The following CEP128 variants were observed in gnomAD, a reference collection of about 807,000 sequenced individuals.
CEP128 encodes the protein centrosomal protein 128kDa.
Under a neutral mutation model 156.7 loss-of-function variants are expected in CEP128, and 132 were observed. The ratio of observed to expected loss-of-function variants is 0.84; its 90% CI spans 0.73 to 0.97. CEP128 has a LOEUF of 0.97. CEP128 is among the 50% of genes least tolerant of loss of function. The probability of loss-of-function intolerance (pLI) is 0.00; values close to 1 mark genes in which losing one functional copy is unlikely to be tolerated. For synonymous variants in CEP128, 469 were observed against 448.9 expected (o/e 1.04, Z -0.57); for missense variants, 1,252 against 1,281.9 (o/e 0.98, Z 0.36).
intron 8 of CEP128, among the ~76,000 whole-genome samples, chr14:80,887,887 C>A (rs1888887347): frequency 6.6e-6 from 1 of 151,762 alleles, no homozygotes; most frequent in Non-Finnish European, 1.5e-5. Context: ...GCTAGCCAGA[C>A]TAATAAAGAA....
At chr14:80,713,791 A>C (rs11846048) in intron 19 of CEP128, among the ~76,000 whole-genome samples, 14 of 152,016 alleles carry the variant, frequency 9.2e-5, no homozygotes, top group African/African-American at 4.8e-5. Context: ...TTGGAAACAA[A>C]GATAGTGATT....
intron 19 of CEP128, among the ~76,000 whole-genome samples, chr14:80,698,574 C>T (rs1409134396): frequency 2.0e-5 from 3 of 152,070 alleles, no homozygotes; most frequent in Admixed American, 6.6e-5. Context: ...CAAAAGACTA[C>T]GAAAAATGCA....
At chr14:80,673,251 C>G (rs916523433) in intron 19 of CEP128, among the ~76,000 whole-genome samples, 1 of 152,128 alleles carries the variant, frequency 6.6e-6, no homozygotes, top group African/African-American at 2.4e-5. Context: ...TTTGTTTGCA[C>G]TATTACAGCA....
At chr14:80,576,592 CT>C (rs1381772798) in intron 20 of CEP128, among the ~76,000 whole-genome samples, 1 of 151,802 alleles carries the variant, frequency 6.6e-6, no homozygotes, top group East Asian at 1.9e-4. Flanking sequence ...TCCTTCTCCA[CT>C]GCTACTACCA....
At chr14:80,864,945 C>T (rs1887697746) in intron 8 of CEP128, among the ~76,000 whole-genome samples, 2 of 152,158 alleles carry the variant, frequency 1.3e-5, no homozygotes, top group South Asian at 4.1e-4. Flanking sequence ...TCAAGCCAAT[C>T]AACATATCTA....
intron 19 of CEP128, among the ~76,000 whole-genome samples, chr14:80,611,962 G>T (rs1449376487): frequency 1.3e-5 from 2 of 152,136 alleles, no homozygotes; most frequent in Admixed American, 6.5e-5. Context: ...GAAGGCTGAG[G>T]CAGGAGAATT....
intron 12 of CEP128, 43 bp from the exon 13 acceptor site, chr14:80,831,337 A>G: frequency 6.3e-7 from 1 of 1,597,592 alleles, no homozygotes; most frequent in Non-Finnish European, 8.6e-7. Context: ...TTCTTTATTC[A>G]CAGAAGAATG....
At chr14:80,921,256 A>C (rs1372851278) in intron 2 of CEP128, among the ~76,000 whole-genome samples, 1 of 152,134 alleles carries the variant, frequency 6.6e-6, no homozygotes, top group Non-Finnish European at 1.5e-5. Context: ...GGACCTTTAA[A>C]AGGTGATTGG....
At chr14:80,637,871 G>A (rs1566826606) in intron 19 of CEP128, among the ~76,000 whole-genome samples, 1 of 152,194 alleles carries the variant, frequency 6.6e-6, no homozygotes, top group Non-Finnish European at 1.5e-5. Flanking sequence ...AGGGGCGTAT[G>A]TAGACGTGGC....
At chr14:80,530,226 G>A (rs1889163544) in intron 22 of CEP128, among the ~76,000 whole-genome samples, 1 of 152,180 alleles carries the variant, frequency 6.6e-6, no homozygotes, top group Admixed American at 6.5e-5. Context: ...AGGACTGGCA[G>A]CAGAGATATT....
At chr14:80,543,075 G>C (rs985943121) in intron 21 of CEP128, among the ~76,000 whole-genome samples, 5 of 152,172 alleles carry the variant, frequency 3.3e-5, no homozygotes, top group Non-Finnish European at 5.9e-5. Context: ...TGAATTTCTT[G>C]TGACAGGCAG....
At chr14:80,713,890 T>C (rs561569795) in intron 19 of CEP128, among the ~76,000 whole-genome samples, 1 of 152,290 alleles carries the variant, frequency 6.6e-6, no homozygotes, top group Non-Finnish European at 1.5e-5. Context: ...TGAAAAATCT[T>C]GGTTATTAGA....
At chr14:80,890,336 T>C (rs150483216) in intron 8 of CEP128, among the ~76,000 whole-genome samples, 38 of 152,298 alleles carry the variant, frequency 2.5e-4, no homozygotes, top group African/African-American at 7.5e-4. Context: ...TGTATGTTTA[T>C]TGCAGCACTA....
chr14:80,516,447 G>A (rs1418469488), intron 23 of CEP128, among the ~76,000 whole-genome samples: 1 of 152,132 alleles, frequency 6.6e-6, no homozygotes, highest in African/African-American at 2.4e-5. Context: ...GAAAGGTGAT[G>A]CTAGCACTCC....
chr14:80,606,143 T>C (rs1892768738), intron 19 of CEP128, among the ~76,000 whole-genome samples: 4 of 152,052 alleles, frequency 2.6e-5, no homozygotes, highest in African/African-American at 9.7e-5. Context: ...CTCAAGTAAT[T>C]TTTAACACTG....
At chr14:80,567,925 T>C (rs1362952970) in intron 20 of CEP128, among the ~76,000 whole-genome samples, 1 of 151,642 alleles carries the variant, frequency 6.6e-6, no homozygotes, top group Non-Finnish European at 1.5e-5. Flanking sequence ...GCACACCATA[T>C]ATTTTTCAAG....
intron 9 of CEP128, among the ~76,000 whole-genome samples, chr14:80,851,511 T>C (rs1224203715): frequency 2.0e-5 from 3 of 152,092 alleles, no homozygotes; most frequent in Non-Finnish European, 4.4e-5. Context: ...ATAAGTACTG[T>C]ATGTTTAAAA....
intron 4 of CEP128, 107 bp from the exon 5 acceptor site, chr14:80,906,188 C>A: frequency 2.4e-6 from 2 of 817,098 alleles, no homozygotes; most frequent in South Asian, 3.2e-5. Context: ...TGGGTTCCCC[C>A]CAAAAAAAGG....
At chr14:80,651,679 G>A (rs999381137) in intron 19 of CEP128, among the ~76,000 whole-genome samples, 1 of 152,114 alleles carries the variant, frequency 6.6e-6, no homozygotes, top group African/African-American at 2.4e-5. Context: ...TATTTACCTA[G>A]TAGTCATTCA....
Sources: allele counts gnomAD v4.1 joint callset (sites outside exome capture counted in the v4.1 genomes callset), GRCh38; gene constraint gnomAD v4.1.1; transcripts MANE v1.5; gene names NCBI Gene and HGNC (gene_info 2026-07-23, HGNC 2026-07-21).